Variants in TCAF1 observed in about 807,000 individuals in gnomAD.
TCAF1 encodes TRPM8 channel-associated factor 1.
TCAF1 carries 4 observed loss-of-function variants against 27.3 expected under a neutral mutation model. The observed-to-expected ratio is 0.15, with a 90% CI of 0.07 to 0.34. The LOEUF (loss-of-function observed/expected upper bound fraction) is 0.34, where lower values mean the gene tolerates loss of function less well. TCAF1 is among the 10% of genes least tolerant of loss of function. The pLI is 1.00. For missense variants in TCAF1, 257 were observed against 425.8 expected, an observed-to-expected ratio of 0.60 and a Z score of 3.49; for synonymous variants, 105 against 167.1, an observed-to-expected ratio of 0.63 and a Z score of 2.87.
intron 2 of TCAF1, 94 bp downstream of exon 2, chr7:143,875,895 G>A (rs1812668690): frequency 3.6e-6 from 4 of 1,121,762 alleles, no homozygotes; most frequent in Non-Finnish European, 3.8e-6. Context: ...GTGCCTGGGA[G>A]CACTCTTCTG....
At chr7:143,885,000 G>A (rs1813318053) in intron 1 of TCAF1, 4 of 985,246 alleles carry the variant, frequency 4.1e-6, no homozygotes, top group South Asian at 4.7e-5. Flanking sequence ...TACCTCCCTG[G>A]ACCCAAAACC....
rs957719127 is a variant in TCAF1, at chr7:143,885,240, A to G, written c.-14-8618T>C. On this transcript the variant is annotated intron_variant, in intron 1 of 8. Transcript: ENST00000479870. ...CGTCCAGCAATTTCCACACCAGGCT[A>G]CTTTGGAGTGGGGAGTCTTCCACAG... 8.1e-6 allele frequency: 8 copies of G among 985,446 alleles called. No individual in the cohort carries two copies. The African/African-American group carries it at 8.7e-5, about 11-fold the overall frequency. 61.0% of individuals were successfully genotyped at this position (985,446 alleles called of 1,614,324 possible).
chr7:143,900,685 T>A (rs1025229988), intron 1 of TCAF1, among the ~76,000 whole-genome samples: 2 of 152,196 alleles, frequency 1.3e-5, no homozygotes, highest in Non-Finnish European at 2.9e-5. Flanking sequence ...GTTTGTTCGC[T>A]TTGGTTTGAA....
chr7:143,858,713 GGGAGACA>G, intron 7 of TCAF1, 104 bp downstream of exon 7: 1 of 601,754 alleles, frequency 1.7e-6, no homozygotes, highest in South Asian at 2.0e-5. Context: ...ATCCCAGTGT[GGGAGACA>G]GGGGCCATGG....
chr7:143,874,874 A>T (rs1812603495), intron 2 of TCAF1, among the ~76,000 whole-genome samples: 1 of 152,208 alleles, frequency 6.6e-6, no homozygotes, highest in Non-Finnish European at 1.5e-5. Context: ...TCTTGAAATA[A>T]GAAATAATGC....
intron 1 of TCAF1, among the ~76,000 whole-genome samples, chr7:143,877,062 T>G (rs566594698): frequency 1.1e-4 from 17 of 152,270 alleles, no homozygotes; most frequent in African/African-American, 4.1e-4. Context: ...GGGAGAATGC[T>G]ATCAGAAAAT....
At chr7:143,883,308 G>A (rs968505245) in intron 1 of TCAF1, among the ~76,000 whole-genome samples, 5 of 152,080 alleles carry the variant, frequency 3.3e-5, no homozygotes, top group Non-Finnish European at 7.4e-5. Flanking sequence ...GAGAAGGGAA[G>A]GCTACATTTC....
chr7:143,882,614 C>G, intron 1 of TCAF1: 6 of 985,566 alleles, frequency 6.1e-6, no homozygotes, highest in Non-Finnish European at 7.2e-6. Context: ...ACGGCGCACC[C>G]ATCGCGCCCC....
At chr7:143,878,275 C>A (rs756347701) in intron 1 of TCAF1, among the ~76,000 whole-genome samples, 1 of 152,092 alleles carries the variant, frequency 6.6e-6, no homozygotes, top group Admixed American at 6.5e-5. Flanking sequence ...AACAATTTAA[C>A]CTAACATAGA....
At chr7:143,879,048 C>T (rs1000190689) in intron 1 of TCAF1, among the ~76,000 whole-genome samples, 9 of 152,192 alleles carry the variant, frequency 5.9e-5, no homozygotes, top group Non-Finnish European at 1.3e-4. Flanking sequence ...CCTGGCTTTT[C>T]CTGCCTTTTC....
chr7:143,873,630 GTAT>G (rs1812552985), intron 2 of TCAF1, among the ~76,000 whole-genome samples: 1 of 148,900 alleles, frequency 6.7e-6, no homozygotes, highest in Admixed American at 6.8e-5. Flanking sequence ...GATAGTCATT[GTAT>G]TATTATTTAT....
chr7:143,891,987 C>A (rs1813655234), intron 1 of TCAF1, among the ~76,000 whole-genome samples: 1 of 152,094 alleles, frequency 6.6e-6, no homozygotes, highest in African/African-American at 2.4e-5. Flanking sequence ...AAAGAAAAAT[C>A]TGCCAACCTA....
In TCAF1 at chr7:143,852,488, T is replaced by C. The variant is rs1310539758; in HGVS notation, c.*1645A>G. 1.3e-5 allele frequency: 2 copies of C among 153,480 alleles called. No homozygotes were observed. Among genetic ancestry groups the C allele is most frequent in the African/African-American group, 4.8e-5 (2 of 41,502 alleles). The allele number at this position is 153,480 out of a possible 1,614,324, so 9.5% of individuals were successfully genotyped here. ...TGGAGAATTTCCTCAAGATACTTCCTCAGTAAGGGTGCAAAGGAGACTTTC... is the reference window on the plus strand; with the variant it reads ...TGGAGAATTTCCTCAAGATACTTCCCCAGTAAGGGTGCAAAGGAGACTTTC... On this transcript the variant is annotated 3_prime_UTR_variant, in exon 9 of 9. Coordinates refer to ENST00000479870, the MANE Select transcript of TCAF1 (RefSeq NM_014719.3).
chr7:143,901,689 C>T (rs1177456185), intron 1 of TCAF1, among the ~76,000 whole-genome samples: 1 of 152,224 alleles, frequency 6.6e-6, no homozygotes, highest in Non-Finnish European at 1.5e-5. Context: ...TAGCTCAGAT[C>T]TTAATGGCTC....
chr7:143,882,457 A>T, intron 1 of TCAF1: 3 of 985,396 alleles, frequency 3.0e-6, no homozygotes, highest in Non-Finnish European at 3.6e-6. Flanking sequence ...AAGCACACAC[A>T]AACATCAGAT....
intron 1 of TCAF1, chr7:143,882,878 G>A (rs1215785022): frequency 1.9e-5 from 19 of 985,406 alleles, no homozygotes; most frequent in Non-Finnish European, 2.3e-5. Context: ...GCTGGAGCTG[G>A]AGGAGAGGAG....
rs1461762067 is a variant in TCAF1 at position 143,859,928 on chromosome 7, T to C, written c.2167+280A>G. ...AATATATATTACGGAATATATATTATATAATATATATTATATAATATATAT... is the reference window on the plus strand; with the variant it reads ...AATATATATTACGGAATATATATTACATAATATATATTATATAATATATAT... On this transcript the variant is annotated intron_variant, in intron 6 of 8. Transcript: ENST00000479870. Among the ~76,000 whole-genome samples, 135 of 77,088 alleles carry C rather than the reference T, an allele frequency of 1.8e-3. 6 individuals are homozygous for C. The highest frequency in any genetic ancestry group is 4.9e-3 in the African/African-American group (95 of 19,416). The allele number at this position is 77,088 out of a possible 152,430, so 50.6% of individuals were successfully genotyped here.
intron 6 of TCAF1, among the ~76,000 whole-genome samples, chr7:143,859,924 A>G (rs1811828846): frequency 1.3e-5 from 1 of 76,648 alleles, no homozygotes; most frequent in South Asian, 3.8e-4. Flanking sequence ...CGGAATATAT[A>G]TTATATAATA....
rs543022027 is a variant in TCAF1, at chr7:143,884,090, T to G, written c.-14-7468A>C. Among the ~76,000 whole-genome samples, 5 of 152,312 alleles carry G rather than the reference T, an allele frequency of 3.3e-5. No homozygotes were observed. In the East Asian group the frequency reaches 9.6e-4, roughly 29 times the overall value. On this transcript the variant is annotated intron_variant, in intron 1 of 8. Coordinates refer to ENST00000479870, the MANE Select transcript of TCAF1 (RefSeq NM_014719.3). ...GCCTTATTATAAGGCTTAAGTTAGG[T>G]GAGTTTATGCTTGTAAAGTTCTTGA... is the stretch of plus-strand genomic sequence containing the variant.
Sources: gnomAD v4.1 joint callset for allele counts (sites outside exome capture counted in the v4.1 genomes callset) on GRCh38, gnomAD v4.1.1 for gene constraint, MANE v1.5 for transcripts, NCBI Gene and HGNC (gene_info 2026-07-23, HGNC 2026-07-21) for gene names.